B4GALT2: variants seen among roughly 807,000 people sequenced by gnomAD.
B4GALT2 encodes N-acetyllactosamine synthase.
A neutral mutation model predicts 33.2 loss-of-function variants in B4GALT2; 18 were observed. The observed-to-expected ratio is 0.54, with a 90% CI of 0.38 to 0.80. The LOEUF is 0.80. B4GALT2 is among the 30% of genes least tolerant of loss of function. The pLI is 0.00. For missense variants in B4GALT2, 404 were observed against 526.2 expected (o/e 0.77, Z 2.27); for synonymous variants, 214 against 217.6 (o/e 0.98, Z 0.15).
In B4GALT2 at chr1:43,982,844, A is replaced by G. The variant is rs1457296516; in HGVS notation, c.549+920A>G. 1.3e-5 allele frequency among the ~76,000 whole-genome samples: 2 copies of G among 152,214 alleles called. No homozygotes were observed. The highest frequency in any genetic ancestry group is 4.8e-5 in the African/African-American group (2 of 41,452). ...AGGTCACTCTGGTTGCATATGGAGCATGGATGGAGAGGGGAGATTAGAGAC... is the reference window on the plus strand; with the variant it reads ...AGGTCACTCTGGTTGCATATGGAGCGTGGATGGAGAGGGGAGATTAGAGAC... On this transcript the variant is annotated intron_variant, in intron 3 of 6. Coordinates refer to ENST00000372324, the MANE Select transcript of B4GALT2 (RefSeq NM_003780.5). This position sits in a 1 kb window ranked among gnomAD's most constrained non-coding sequence, Gnocchi z 4.3.
intron 5 of B4GALT2, 34 bp from the exon 6 acceptor site, chr1:43,985,483 G>A: frequency 2.5e-6 from 4 of 1,605,426 alleles, no homozygotes; most frequent in Non-Finnish European, 2.6e-6. Context: ...GCCCTTCCTG[G>A]AGCCTGTTCC....
chr1:43,981,366 G>C lies in B4GALT2; in HGVS notation c.206G>C (p.Arg69Pro), dbSNP rs145753168. 6.3e-7 allele frequency: 1 copy of C among 1,599,056 alleles called. No homozygotes were observed. Among genetic ancestry groups the C allele is most frequent in the African/African-American group, 1.3e-5 (1 of 74,896 alleles). The part of the protein sequence containing the change: ...SSSSSSSNCS[R>P]PNATASSSGL... ...AGCAGCAGCAGCAGCAACTGCTCCC[G>C]GCCCAACGCCACCGCCTCTAGCTCC... The change falls in exon 2 of 7, where the codon CGG (arginine) becomes CCG (proline). Residue 69 changes from arginine (R) to proline (P), a missense_variant. Physicochemically the swap from Arg to Pro is moderately radical, Grantham distance 103. Transcript: ENST00000372324. This position sits in a 1 kb window ranked among gnomAD's most constrained non-coding sequence, Gnocchi z 8.1.
Position 43,982,355 on chromosome 1 carries a change from A to G in B4GALT2, c.549+431A>G, listed in dbSNP as rs2085610231. 6.6e-6 allele frequency among the ~76,000 whole-genome samples: 1 copy of G among 152,054 alleles called. No individual in the cohort carries two copies. Among genetic ancestry groups the G allele is most frequent in the African/African-American group, 2.4e-5 (1 of 41,412 alleles). Reference sequence around the variant, plus strand: ...GTGGACCTGGCTAGGGCTGGCCACTAGGTCCCAGAAGGGACCTCTGATGCA... The same window carrying G: ...GTGGACCTGGCTAGGGCTGGCCACTGGGTCCCAGAAGGGACCTCTGATGCA... On this transcript the variant is annotated intron_variant, in intron 3 of 6. Coordinates refer to ENST00000372324, the MANE Select transcript of B4GALT2 (RefSeq NM_003780.5). The surrounding 1 kb of genome is among the most constrained non-coding windows in gnomAD (Gnocchi z 4.3).
In B4GALT2 at chr1:43,990,880, AC is replaced by A. The variant is rs1441151834; in HGVS notation, c.*437del. ...CAGGGGGAATTCTCAGCTCTTGGGAACCCCCTTGCTCCCAGGGGAGGGGAAA... is the reference window on the plus strand; with the variant it reads ...CAGGGGGAATTCTCAGCTCTTGGGAACCCCTTGCTCCCAGGGGAGGGGAAA... On this transcript the variant is annotated 3_prime_UTR_variant, in exon 7 of 7. Coordinates refer to ENST00000372324, the MANE Select transcript of B4GALT2 (RefSeq NM_003780.5). 2 of 175,104 alleles carry A rather than the reference AC, an allele frequency of 1.1e-5. No individual in the cohort carries two copies. Among genetic ancestry groups the A allele is most frequent in the East Asian group, 3.1e-4 (2 of 6,478 alleles). The allele number at this position is 175,104 out of a possible 1,614,324, so 10.8% of individuals were successfully genotyped here. A position where few individuals can be genotyped will look rare whatever the true frequency, so the allele number is the denominator to read the frequency against.
Position 43,979,859 on chromosome 1 carries a change from C to A in B4GALT2, c.-53+348C>A. On this transcript the variant is annotated intron_variant, in intron 1 of 6. Coordinates refer to ENST00000372324, the MANE Select transcript of B4GALT2 (RefSeq NM_003780.5). This position sits in a 1 kb window ranked among gnomAD's most constrained non-coding sequence, Gnocchi z 4.8. ...ACACCCACCCGGTCTGTGCGGCCTGCCCGTCCGCGGGTGCCACGTGTTCAG... is the reference window on the plus strand; with the variant it reads ...ACACCCACCCGGTCTGTGCGGCCTGACCGTCCGCGGGTGCCACGTGTTCAG... The A allele has an allele frequency of 1.3e-6, 1 of 788,528 alleles. No homozygotes were observed. Among genetic ancestry groups the A allele is most frequent in the Non-Finnish European group, 2.0e-6 (1 of 499,202 alleles). 48.8% of individuals were successfully genotyped at this position (788,528 alleles called of 1,614,324 possible). A position where few individuals can be genotyped will look rare whatever the true frequency, so the allele number is the denominator to read the frequency against.
At chr1:43,983,343 C>T (rs1361689906) in intron 3 of B4GALT2, among the ~76,000 whole-genome samples, 1 of 152,150 alleles carries the variant, frequency 6.6e-6, no homozygotes, top group East Asian at 1.9e-4. Flanking sequence ...GAGGCCGCTA[C>T]AGAGGCCGAG....
Position 43,990,540 on chromosome 1 carries a change from G to T in B4GALT2, c.*92G>T. 1.3e-6 allele frequency: 2 copies of T among 1,527,304 alleles called. No individual in the cohort carries two copies. The highest frequency in any genetic ancestry group is 1.8e-6 in the Non-Finnish European group (2 of 1,116,128). The allele number at this position is 1,527,304 out of a possible 1,614,324, so 94.6% of individuals were successfully genotyped here. On this transcript the variant is annotated 3_prime_UTR_variant, in exon 7 of 7. Coordinates refer to ENST00000372324, the MANE Select transcript of B4GALT2 (RefSeq NM_003780.5). ...CAGCTGCTCTGTGGAGGACCTCCAGGACTGAGACTGGGCTCTGTTTTCCAA... is the reference window on the plus strand; with the variant it reads ...CAGCTGCTCTGTGGAGGACCTCCAGTACTGAGACTGGGCTCTGTTTTCCAA...
rs1489105706 is a variant in B4GALT2 at position 43,979,617 on chromosome 1, G to A, written c.-53+106G>A. On this transcript the variant is annotated intron_variant, in intron 1 of 6. Coordinates refer to ENST00000372324, the MANE Select transcript of B4GALT2 (RefSeq NM_003780.5). The surrounding 1 kb of genome is among the most constrained non-coding windows in gnomAD (Gnocchi z 4.8). ...CCCCGAGATCCCAACCCAGGAGCCG[G>A]TGAGAGAGGCGCCGGCGGCCAGACC... 1.8e-5 allele frequency: 3 copies of A among 169,330 alleles called. No individual in the cohort carries two copies. The highest frequency in any genetic ancestry group is 3.8e-5 in the Non-Finnish European group (3 of 78,922). 10.5% of individuals were successfully genotyped at this position (169,330 alleles called of 1,614,324 possible). A position where few individuals can be genotyped will look rare whatever the true frequency, so the allele number is the denominator to read the frequency against.
Position 43,990,422 on chromosome 1 carries a change from C to T in B4GALT2, c.1093C>T (p.Pro365Ser), listed in dbSNP as rs200858952. Residue 365 changes from proline to serine, a missense_variant, in exon 7 of 7, where the codon CCT (proline) becomes TCT (serine). By Grantham distance (74) the Pro-to-Ser change is moderately conservative. Transcript: ENST00000372324. Reference sequence around the variant, plus strand: ...CAATATCACAGTGGACATTGGGCGGCCTCCGTCGTGGCCCCCTCGGGGCTG... The same window carrying T: ...CAATATCACAGTGGACATTGGGCGGTCTCCGTCGTGGCCCCCTCGGGGCTG... The part of the protein sequence containing the change: ...FTNITVDIGR[P>S]PSWPPRG The T allele has an allele frequency of 6.2e-7, 1 of 1,614,098 alleles. No homozygotes were observed. Among genetic ancestry groups the T allele is most frequent in the South Asian group, 1.1e-5 (1 of 91,062 alleles).
chr1:43,982,106 A>G lies in B4GALT2; in HGVS notation c.549+182A>G, dbSNP rs1047671355. ...TGTGAATGTTGGCATGCACACTGGC[A>G]GGTGTGTGCATGGTCTCAGAAGGGG... On this transcript the variant is annotated intron_variant, in intron 3 of 6. Coordinates refer to ENST00000372324, the MANE Select transcript of B4GALT2 (RefSeq NM_003780.5). This position sits in a 1 kb window ranked among gnomAD's most constrained non-coding sequence, Gnocchi z 4.3. 6.6e-6 allele frequency among the ~76,000 whole-genome samples: 1 copy of G among 152,174 alleles called. No homozygotes were observed. The highest frequency in any genetic ancestry group is 1.5e-5 in the Non-Finnish European group (1 of 68,028).
At chr1:43,980,496 C>T in intron 1 of B4GALT2, 1 of 989,828 alleles carries the variant, frequency 1.0e-6, no homozygotes, top group Non-Finnish European at 1.2e-6. Context: ...GGGCAACTTC[C>T]CAGCCTGGTC....
In B4GALT2 at chr1:43,990,340, C is replaced by G; in HGVS notation, c.1011C>G (p.Asp337Glu). The change falls in exon 7 of 7, where the codon GAC (aspartate) becomes GAG (glutamate). Residue 337 changes from aspartate to glutamate, a missense_variant. Transcript: ENST00000372324. The part of the protein sequence containing the change: ...IQNTKLTMKR[D>E]GIGSVRYQVL... Reference sequence around the variant, plus strand: ...ACACGAAGCTGACCATGAAGCGGGACGGCATTGGGTCAGTGCGGTACCAGG... The same window carrying G: ...ACACGAAGCTGACCATGAAGCGGGAGGGCATTGGGTCAGTGCGGTACCAGG... 1 of 1,614,168 alleles carries G rather than the reference C, an allele frequency of 6.2e-7. No individual in the cohort carries two copies. Among genetic ancestry groups the G allele is most frequent in the Non-Finnish European group, 8.5e-7 (1 of 1,180,012 alleles).
intron 3 of B4GALT2, among the ~76,000 whole-genome samples, chr1:43,983,028 G>T (rs905462900): frequency 1.3e-5 from 2 of 152,222 alleles, no homozygotes; most frequent in African/African-American, 4.8e-5. Context: ...TTCCGCCTTG[G>T]CTGTTGGCTG....
At chr1:43,987,422 G>C (rs560877858) in intron 6 of B4GALT2, among the ~76,000 whole-genome samples, 1 of 152,242 alleles carries the variant, frequency 6.6e-6, no homozygotes, top group East Asian at 1.9e-4. Context: ...CAGCCAGCCT[G>C]ATACCAGATT....
rs1298287383 is a variant in B4GALT2, at chr1:43,981,319, C to T, written c.159C>T (p.Ala53=). Residue 53 remains alanine, a synonymous_variant, in exon 2 of 7, where the codon GCC becomes GCT. Coordinates refer to ENST00000372324, the MANE Select transcript of B4GALT2 (RefSeq NM_003780.5). The surrounding 1 kb of genome is among the most constrained non-coding windows in gnomAD (Gnocchi z 8.1). ...SRFSARGPAH[A]LHPAASSSSS... is the part of the protein sequence containing the mutation. Reference sequence around the variant, plus strand: ...TCAGTGCCCGAGGCCCTGCCCATGCCCTCCACCCAGCTGCTAGCAGCAGCA... The same window carrying T: ...TCAGTGCCCGAGGCCCTGCCCATGCTCTCCACCCAGCTGCTAGCAGCAGCA... The T allele has an allele frequency of 5.6e-6, 9 of 1,603,128 alleles. No individual in the cohort carries two copies. The highest frequency in any genetic ancestry group is 1.1e-5 in the South Asian group (1 of 91,080).
chr1:43,990,012 A>G (rs1329584492), intron 6 of B4GALT2, among the ~76,000 whole-genome samples: 1 of 152,192 alleles, frequency 6.6e-6, no homozygotes, highest in Non-Finnish European at 1.5e-5. Context: ...CTTAGATCCT[A>G]TTTATAATTA....
At position 43,984,127 on chromosome 1, in the gene B4GALT2, C is replaced by A. The variant is rs1157526951; in HGVS notation, c.550-738C>A. 6.6e-6 allele frequency among the ~76,000 whole-genome samples: 1 copy of A among 152,340 alleles called. No homozygotes were observed. The highest frequency in any genetic ancestry group is 1.9e-4 in the East Asian group (1 of 5,184). On this transcript the variant is annotated intron_variant, in intron 3 of 6. Transcript: ENST00000372324. This position sits in a 1 kb window ranked among gnomAD's most constrained non-coding sequence, Gnocchi z 5.6. ...GGCCAGGACCCCTGCAGCCCCAATT[C>A]TCAGGGGACCCCAGGCTTGCTGGGC... is the stretch of plus-strand genomic sequence containing the variant.
intron 6 of B4GALT2, 75 bp downstream of exon 6, chr1:43,985,696 C>T: frequency 1.4e-6 from 2 of 1,432,552 alleles, no homozygotes; most frequent in Non-Finnish European, 9.8e-7. Context: ...CCCAAGTGGC[C>T]CAATCCCTGA....
Position 43,984,782 on chromosome 1 carries a change from C to T in B4GALT2, c.550-83C>T. 1.4e-6 allele frequency: 2 copies of T among 1,433,434 alleles called. No homozygotes were observed. Among genetic ancestry groups the T allele is most frequent in the Non-Finnish European group, 1.9e-6 (2 of 1,046,792 alleles). The allele number at this position is 1,433,434 out of a possible 1,614,324, so 88.8% of individuals were successfully genotyped here. On this transcript the variant is annotated intron_variant, in intron 3 of 6. Transcript: ENST00000372324. This position sits in a 1 kb window ranked among gnomAD's most constrained non-coding sequence, Gnocchi z 5.6. The stretch of plus-strand genomic sequence containing the variant: ...TGCAGCGAGGGGGCTGGTAGATCCC[C>T]AGAGACTGCTCTGGAGAGTGGCAAA...
Sources: allele counts gnomAD v4.1 joint callset (sites outside exome capture counted in the v4.1 genomes callset), GRCh38; gene constraint gnomAD v4.1.1; non-coding constraint Gnocchi (gnomAD v3.1); transcripts MANE v1.5; gene names NCBI Gene and HGNC (gene_info 2026-07-23, HGNC 2026-07-21).